The following ITIH4 variants were observed in gnomAD, a reference collection of about 807,000 sequenced individuals.
The protein encoded by ITIH4 is inter-alpha-trypsin inhibitor heavy chain 4, also known as inter-alpha-trypsin inhibitor heavy chain H4.
ITIH4 carries 79 observed loss-of-function variants against 111.8 expected under a neutral mutation model. The ratio of observed to expected loss-of-function variants is 0.71; its 90% CI spans 0.59 to 0.85. The LOEUF (loss-of-function observed/expected upper bound fraction) is 0.85. ITIH4 is among the 40% of genes least tolerant of loss of function. ITIH4 has a pLI of 0.00. For missense variants in ITIH4, 1,065 were observed against 1,195.8 expected (o/e 0.89, Z 1.61); for synonymous variants, 472 against 468.3 (o/e 1.01, Z -0.10).
At position 52,824,557 on chromosome 3, in the gene ITIH4, T is replaced by C. The variant is rs373129789; in HGVS notation, c.885A>G (p.Glu295=). 1 of 1,611,558 alleles carries C rather than the reference T, an allele frequency of 6.2e-7. No individual in the cohort carries two copies. The highest frequency in any genetic ancestry group is 8.5e-7 in the Non-Finnish European group (1 of 1,179,262). The change falls in exon 8 of 24, where the codon GAA becomes GAG. Residue 295 remains glutamate, a synonymous_variant. Transcript: ENST00000266041. This position sits in a 1 kb window ranked among gnomAD's most constrained non-coding sequence, Gnocchi z 4.3. ...MSGRKIQQTR[E]ALIKILDDLS... ...GGTCATCCAGGATCTTGATTAGGGCTTCCCGGGTCTGGTCAGGGAGAGGAA... is the reference window on the plus strand; with the variant it reads ...GGTCATCCAGGATCTTGATTAGGGCCTCCCGGGTCTGGTCAGGGAGAGGAA...
chr3:52,814,422 T>C, intron 21 of ITIH4, 59 bp from the exon 22 acceptor site: 2 of 1,501,088 alleles, frequency 1.3e-6, no homozygotes, highest in Admixed American at 1.7e-5. Flanking sequence ...AGAACCTCAG[T>C]AGTCAGGGTG....
intron 16 of ITIH4, 109 bp from the exon 17 acceptor site, chr3:52,819,627 C>T: frequency 1.3e-6 from 2 of 1,580,908 alleles, no homozygotes; most frequent in South Asian, 1.1e-5. Flanking sequence ...GCTATGTCCC[C>T]TCTCCCCACA....
chr3:52,817,524 C>T (rs1700298031), intron 20 of ITIH4, among the ~76,000 whole-genome samples: 1 of 152,144 alleles, frequency 6.6e-6, no homozygotes, highest in Non-Finnish European at 1.5e-5. Context: ...CGGGGCTGGG[C>T]GGTGCGGGGG....
chr3:52,816,833 A>G, intron 21 of ITIH4, 51 bp downstream of exon 21: 1 of 1,552,768 alleles, frequency 6.4e-7, no homozygotes, highest in South Asian at 1.2e-5. Flanking sequence ...ATCATCAGCC[A>G]CTGTAGCCTG....
intron 6 of ITIH4, among the ~76,000 whole-genome samples, chr3:52,825,675 C>T (rs1334142244): frequency 6.6e-6 from 1 of 152,190 alleles, no homozygotes; most frequent in Non-Finnish European, 1.5e-5. Context: ...CCCCACAGGG[C>T]AGCTCTTCTC....
At chr3:52,821,161 C>G (rs1327057100) in intron 11 of ITIH4, 31 bp from the exon 12 acceptor site, 27 of 1,602,290 alleles carry the variant, frequency 1.7e-5, no homozygotes, top group Non-Finnish European at 2.1e-5. Context: ...AGGGCAGGAG[C>G]AGTGAGGGCC....
intron 21 of ITIH4, 42 bp from the exon 22 acceptor site, chr3:52,814,405 T>C (rs769091749): frequency 6.3e-7 from 1 of 1,584,424 alleles, no homozygotes; most frequent in Non-Finnish European, 8.7e-7. Context: ...GGTAGAGACG[T>C]GTGCACAGAA....
At chr3:52,817,362 G>T (rs1700296236) in intron 20 of ITIH4, among the ~76,000 whole-genome samples, 1 of 152,266 alleles carries the variant, frequency 6.6e-6, no homozygotes, top group African/African-American at 2.4e-5. Flanking sequence ...GCCCCATGGA[G>T]CGCCTGGCCC....
At chr3:52,816,354 A>G (rs886827482) in intron 21 of ITIH4, among the ~76,000 whole-genome samples, 3 of 152,224 alleles carry the variant, frequency 2.0e-5, no homozygotes, top group African/African-American at 7.2e-5. Context: ...GCAAAGCTCC[A>G]AGGATACGCT....
At position 52,821,065 on chromosome 3, in the gene ITIH4, G is replaced by A; in HGVS notation, c.1605C>T (p.Ser535=). Reference sequence around the variant, plus strand: ...TGAAGTTGTGGAAGATATACTTGGGGCTCTGGAACTCCGCCTCCTGCTCTG... The same window carrying A: ...TGAAGTTGTGGAAGATATACTTGGGACTCTGGAACTCCGCCTCCTGCTCTG... The part of the protein sequence containing the change: ...SVAEQEAEFQ[S]PKYIFHNFME... Residue 535 remains serine (S), a synonymous_variant, in exon 12 of 24, where the codon AGC becomes AGT. Coordinates refer to ENST00000266041, the MANE Select transcript of ITIH4 (RefSeq NM_002218.5). The A allele has an allele frequency of 6.2e-7, 1 of 1,614,018 alleles. No individual in the cohort carries two copies. The highest frequency in any genetic ancestry group is 1.3e-5 in the African/African-American group (1 of 75,036).
chr3:52,824,860 A>C lies in ITIH4; in HGVS notation c.858T>G (p.Ser286Arg). ...GACCTACCTGCTGGATTTTCCTGCC[A>C]CTCATGGAGCCGCTCTTGTCAATGA... Reference protein sequence around the residue: ...VFVIDKSGSMSGRKIQQTREA... With the variant: ...VFVIDKSGSMRGRKIQQTREA... Residue 286 changes from serine to arginine, a missense_variant, in exon 7 of 24, where the codon AGT becomes AGG. Transcript: ENST00000266041. The surrounding 1 kb of genome is among the most constrained non-coding windows in gnomAD (Gnocchi z 4.3). The C allele has an allele frequency of 6.2e-7, 1 of 1,613,616 alleles. No homozygotes were observed. Among genetic ancestry groups the C allele is most frequent in the Middle Eastern group, 1.7e-4 (1 of 6,028 alleles).
chr3:52,819,338 G>A, intron 17 of ITIH4, 55 bp downstream of exon 17: 1 of 1,608,724 alleles, frequency 6.2e-7, no homozygotes, highest in Non-Finnish European at 8.5e-7. Context: ...TATGGGGCAG[G>A]CTCAAGGACC....
intron 13 of ITIH4, 61 bp downstream of exon 13, chr3:52,820,570 G>T: frequency 6.5e-7 from 1 of 1,544,500 alleles, no homozygotes. Context: ...GGGAAGATCG[G>T]GGAGAACGCT....
chr3:52,820,096 C>T (rs1432688945), intron 14 of ITIH4, 106 bp from the exon 15 acceptor site: 2 of 1,346,210 alleles, frequency 1.5e-6, no homozygotes, highest in South Asian at 1.2e-5. Flanking sequence ...TGAGGCACAG[C>T]CAATATTTGA....
At chr3:52,820,072 C>T in intron 14 of ITIH4, 82 bp from the exon 15 acceptor site, 1 of 1,474,830 alleles carries the variant, frequency 6.8e-7, no homozygotes, top group Non-Finnish European at 9.5e-7. Flanking sequence ...ATTCTTAGTG[C>T]TGGGGACAGG....
chr3:52,813,648 G>C (rs1700227588), intron 23 of ITIH4, among the ~76,000 whole-genome samples, 158 bp from the exon 24 acceptor site: 1 of 152,190 alleles, frequency 6.6e-6, no homozygotes, highest in African/African-American at 2.4e-5. Flanking sequence ...CAGTCACCCA[G>C]AGCATTACCC....
At position 52,830,604 on chromosome 3, in the gene ITIH4, A is replaced by T; in HGVS notation, c.39T>A (p.Val13=). 6.2e-7 allele frequency: 1 copy of T among 1,614,160 alleles called. No homozygotes were observed. Among genetic ancestry groups the T allele is most frequent in the Non-Finnish European group, 8.5e-7 (1 of 1,179,996 alleles). Residue 13 remains valine, a synonymous_variant, in exon 1 of 24, where the codon GTT becomes GTA. Coordinates refer to ENST00000266041, the MANE Select transcript of ITIH4 (RefSeq NM_002218.5). ...TGGCCAGCAGTGAAAGCAGGACGAG[A>T]ACTTTGCTGCAGGTACGGACAGGCC... ...PPRPVRTCSK[V]LVLLSLLAIH... is the part of the protein sequence containing the mutation.
intron 12 of ITIH4, 100 bp from the exon 13 acceptor site, chr3:52,820,885 C>T (rs556446616): frequency 3.2e-6 from 5 of 1,548,698 alleles, no homozygotes; most frequent in Middle Eastern, 1.8e-4. Context: ...GAATCTGGAG[C>T]TTGGACATGA....
intron 2 of ITIH4, among the ~76,000 whole-genome samples, 170 bp downstream of exon 2, chr3:52,828,949 A>G (rs1700525050): frequency 6.6e-6 from 1 of 152,140 alleles, no homozygotes; most frequent in South Asian, 2.1e-4. Flanking sequence ...ATCTTTGAGA[A>G]TAAGTCCTTT....
Sources: gnomAD v4.1 joint callset for allele counts (sites outside exome capture counted in the v4.1 genomes callset) on GRCh38, gnomAD v4.1.1 for gene constraint, Gnocchi (gnomAD v3.1) non-coding constraint, MANE v1.5 for transcripts, NCBI Gene and HGNC (gene_info 2026-07-23, HGNC 2026-07-21) for gene names.